The following FBH1 variants were observed in gnomAD, a reference collection of about 807,000 sequenced individuals.
FBH1 encodes F-box DNA helicase 1, also known as DNA 3'-5' helicase 1.
FBH1 carries 43 observed loss-of-function variants against 115.5 expected under a neutral mutation model. The observed-to-expected ratio is 0.37, with a 90% CI of 0.29 to 0.48. The LOEUF is 0.48. FBH1 is among the 20% of genes least tolerant of loss of function. FBH1 has a pLI of 0.99. For missense variants in FBH1, 1,001 were observed against 1,337.3 expected (o/e 0.75, Z 3.92); for synonymous variants, 524 against 507.8 (o/e 1.03, Z -0.43).
intron 2 of FBH1, chr10:5,905,200 A>T (rs888321021): frequency 6.6e-6 from 1 of 152,256 alleles, no homozygotes; most frequent in Non-Finnish European, 1.5e-5. Flanking sequence ...AAAATAAATT[A>T]ATGTGTCACC....
At chr10:5,893,911 A>G in intron 1 of FBH1, 1 of 846,550 alleles carries the variant, frequency 1.2e-6, no homozygotes, top group Non-Finnish European at 1.4e-6. Context: ...AAATATATAA[A>G]ATTATATTCT....
At chr10:5,893,273 C>A (rs1471628784) in intron 1 of FBH1, among the ~76,000 whole-genome samples, 1 of 152,120 alleles carries the variant, frequency 6.6e-6, no homozygotes, top group African/African-American at 2.4e-5. Flanking sequence ...GCCATTGTAC[C>A]CCAGCCTGGA....
In FBH1 at chr10:5,906,173, G is replaced by C. The variant is rs1843678694; in HGVS notation, c.294G>C (p.Glu98Asp). 1 of 1,614,214 alleles carries C rather than the reference G, an allele frequency of 6.2e-7. No homozygotes were observed. Among genetic ancestry groups the C allele is most frequent in the Non-Finnish European group, 8.5e-7 (1 of 1,180,038 alleles). ...AGGGTGACATGATCTTTCCTGCAGA[G>C]AGCAGCTGTGCACTGCCTCAGGAAG... is the stretch of plus-strand genomic sequence containing the variant. The part of the protein sequence containing the change: ...DSEGDMIFPA[E>D]SSCALPQEGS... The change falls in exon 3 of 21, where the codon GAG becomes GAC. Residue 98 changes from glutamate (E) to aspartate (D), a missense_variant. By Grantham distance (45) the Glu-to-Asp change is conservative (BLOSUM62 2). Coordinates refer to ENST00000362091, the MANE Select transcript of FBH1 (RefSeq NM_178150.3). This position sits in a 1 kb window ranked among gnomAD's most constrained non-coding sequence, Gnocchi z 7.3.
chr10:5,890,202 C>G (rs1296980395), upstream of FBH1: 1 of 342,882 alleles, frequency 2.9e-6, no homozygotes, highest in Non-Finnish European at 5.5e-6. Flanking sequence ...TGCGGCGGGG[C>G]GGAGCTCGCG....
chr10:5,907,394 A>C (rs1355501947), intron 3 of FBH1, among the ~76,000 whole-genome samples: 2 of 151,868 alleles, frequency 1.3e-5, no homozygotes, highest in East Asian at 1.9e-4. Flanking sequence ...CATTTGTCTC[A>C]AGATATTTTC....
At position 5,908,799 on chromosome 10, in the gene FBH1, C is replaced by T. The variant is rs1831370804; in HGVS notation, c.754-126C>T. On this transcript the variant is annotated intron_variant, in intron 3 of 20. Coordinates refer to ENST00000362091, the MANE Select transcript of FBH1 (RefSeq NM_178150.3). ...TTTTTGTATTTTTTTTCAGTAGAGA[C>T]GGGGCTTCACCATGTTGGCCATGCT... The T allele has an allele frequency of 2.1e-5, 22 of 1,055,508 alleles. 1 individual carries two copies. Among genetic ancestry groups the T allele is most frequent in the South Asian group, 1.6e-4 (11 of 68,818 alleles). 65.4% of individuals were successfully genotyped at this position (1,055,508 alleles called of 1,614,324 possible). A position where few individuals can be genotyped will look rare whatever the true frequency, so the allele number is the denominator to read the frequency against.
At chr10:5,919,953 G>C in intron 13 of FBH1, among the ~76,000 whole-genome samples, 1 of 152,290 alleles carries the variant, frequency 6.6e-6, no homozygotes, top group South Asian at 2.1e-4. Context: ...CACTTGTCAC[G>C]ATAATGAACC....
chr10:5,894,397 G>A (rs2131827036), intron 1 of FBH1: 1 of 1,597,032 alleles, frequency 6.3e-7, no homozygotes. Flanking sequence ...TGCTTTCAAG[G>A]TGTCTAGATA....
At position 5,890,359 on chromosome 10, in the gene FBH1, G is replaced by T. The variant is rs1440634040; in HGVS notation, c.1+13G>T. 2.7e-6 allele frequency: 1 copy of T among 375,252 alleles called. No individual in the cohort carries two copies. Among genetic ancestry groups the T allele is most frequent in the Non-Finnish European group, 5.0e-6 (1 of 201,382 alleles). The allele number at this position is 375,252 out of a possible 1,614,324, so 23.2% of individuals were successfully genotyped here. ...CCGGAGCGCCACAGTGCGTGAGGCC[G>T]CAGACGTGGCAGGGAGTGTGGGAGG... On this transcript the variant is annotated intron_variant, in intron 1 of 20. Coordinates refer to ENST00000362091, the MANE Select transcript of FBH1 (RefSeq NM_178150.3).
chr10:5,932,530 G>A lies in FBH1; in HGVS notation c.2830-3926G>A, dbSNP rs967805870. Among the ~76,000 whole-genome samples, 3 of 152,076 alleles carry A rather than the reference G, an allele frequency of 2.0e-5. No homozygotes were observed. Among genetic ancestry groups the A allele is most frequent in the Non-Finnish European group, 2.9e-5 (2 of 68,026 alleles). Reference sequence around the variant, plus strand: ...CAGCTGCATAGTGTTCTGTGTTGACGCACTGTGATTTATGCCGTTCTCGCT... The same window carrying A: ...CAGCTGCATAGTGTTCTGTGTTGACACACTGTGATTTATGCCGTTCTCGCT... On this transcript the variant is annotated intron_variant, in intron 19 of 20. Coordinates refer to ENST00000362091, the MANE Select transcript of FBH1 (RefSeq NM_178150.3). The surrounding 1 kb of genome is among the most constrained non-coding windows in gnomAD (Gnocchi z 5.9).
At position 5,910,494 on chromosome 10, in the gene FBH1, C is replaced by T. The variant is rs1292490524; in HGVS notation, c.1021-444C>T. Among the ~76,000 whole-genome samples, 1 of 152,100 alleles carries T rather than the reference C, an allele frequency of 6.6e-6. No individual in the cohort carries two copies. Among genetic ancestry groups the T allele is most frequent in the Non-Finnish European group, 1.5e-5 (1 of 68,042 alleles). On this transcript the variant is annotated intron_variant, in intron 5 of 20. Coordinates refer to ENST00000362091, the MANE Select transcript of FBH1 (RefSeq NM_178150.3). The surrounding 1 kb of genome is among the most constrained non-coding windows in gnomAD (Gnocchi z 4.8). ...GAGAACTGCCAGATTTTATTTTCCC[C>T]ACAGCCTGCGTGCGGCCCTCTCCTG...
At position 5,923,598 on chromosome 10, in the gene FBH1, A is replaced by C. The variant is rs780401023; in HGVS notation, c.2323-23A>C. 104 of 1,596,894 alleles carry C rather than the reference A, an allele frequency of 6.5e-5. No homozygotes were observed. Among genetic ancestry groups the C allele is most frequent in the Non-Finnish European group, 1.2e-5 (14 of 1,171,660 alleles). The stretch of plus-strand genomic sequence containing the variant: ...AACAAAAAACAACAAAAAAACAAAA[A>C]TCCCACCAAAAAACTTTTTCAGGGG... On this transcript the variant is annotated intron_variant, in intron 15 of 20. Transcript: ENST00000362091. The surrounding 1 kb of genome is among the most constrained non-coding windows in gnomAD (Gnocchi z 5.7).
rs1843082103 is a variant in FBH1 at position 5,897,543 on chromosome 10, T to G, written c.2-5477T>G. The stretch of plus-strand genomic sequence containing the variant: ...ACATATATCCAATAAGTCCAAGGGG[T>G]GGGGAATCCAATAAAAGTGTTAATA... On this transcript the variant is annotated intron_variant, in intron 1 of 20. Coordinates refer to ENST00000362091, the MANE Select transcript of FBH1 (RefSeq NM_178150.3). This position sits in a 1 kb window ranked among gnomAD's most constrained non-coding sequence, Gnocchi z 4.7. Among the ~76,000 whole-genome samples the G allele has an allele frequency of 6.6e-6, 1 of 152,152 alleles. No homozygotes were observed. The highest frequency in any genetic ancestry group is 3.4e-3 in the Middle Eastern group (1 of 294).
rs1362271239 is a variant in FBH1, at chr10:5,900,822, C to T, written c.2-2198C>T. Among the ~76,000 whole-genome samples the T allele has an allele frequency of 6.6e-6, 1 of 152,130 alleles. No individual in the cohort carries two copies. The highest frequency in any genetic ancestry group is 1.9e-4 in the East Asian group (1 of 5,198). On this transcript the variant is annotated intron_variant, in intron 1 of 20. Coordinates refer to ENST00000362091, the MANE Select transcript of FBH1 (RefSeq NM_178150.3). The surrounding 1 kb of genome is among the most constrained non-coding windows in gnomAD (Gnocchi z 4.2). ...AGCTTAAAGGAAATGTCAAGCTGGG[C>T]ACAGTGGCTCACATCTGTAATCCCA...
Position 5,906,881 on chromosome 10 carries a change from G to C in FBH1, c.753+249G>C, listed in dbSNP as rs1033046927. 6.6e-6 allele frequency among the ~76,000 whole-genome samples: 1 copy of C among 151,768 alleles called. No individual in the cohort carries two copies. The highest frequency in any genetic ancestry group is 6.6e-5 in the Admixed American group (1 of 15,258). The stretch of plus-strand genomic sequence containing the variant: ...GCTCATCTGCTGTGCCCTGACCACA[G>C]ACTGCACATTCCTTCCCCTCCCTGG... On this transcript the variant is annotated intron_variant, in intron 3 of 20. Coordinates refer to ENST00000362091, the MANE Select transcript of FBH1 (RefSeq NM_178150.3). This position sits in a 1 kb window ranked among gnomAD's most constrained non-coding sequence, Gnocchi z 7.3.
rs1832022814 is a variant in FBH1, at chr10:5,917,256, G to GT, written c.1789-164_1789-163insT. 8 of 627,396 alleles carry GT rather than the reference G, an allele frequency of 1.3e-5. No individual in the cohort carries two copies. In the East Asian group the frequency reaches 1.9e-4, roughly 15 times the overall value. The allele number at this position is 627,396 out of a possible 1,614,324, so 38.9% of individuals were successfully genotyped here. On this transcript the variant is annotated intron_variant, in intron 10 of 20. Coordinates refer to ENST00000362091, the MANE Select transcript of FBH1 (RefSeq NM_178150.3). The surrounding 1 kb of genome is among the most constrained non-coding windows in gnomAD (Gnocchi z 5.6). The stretch of plus-strand genomic sequence containing the variant: ...CTCAGCACTGGAGACCCTCTGGCGT[G>GT]GAGAGGCTGTTGAGGAGACCCAGGA...
Position 5,913,625 on chromosome 10 carries a change from T to G in FBH1, c.1212-122T>G, listed in dbSNP as rs1421180811. 1.1e-5 allele frequency: 7 copies of G among 642,104 alleles called. No homozygotes were observed. The highest frequency in any genetic ancestry group is 2.2e-5 in the South Asian group (1 of 45,024). The allele number at this position is 642,104 out of a possible 1,614,324, so 39.8% of individuals were successfully genotyped here. On this transcript the variant is annotated intron_variant, in intron 6 of 20. Transcript: ENST00000362091. The surrounding 1 kb of genome is among the most constrained non-coding windows in gnomAD (Gnocchi z 4.4). Reference sequence around the variant, plus strand: ...AAATCCTTTTCTTTCTTTTTTCCATTAAATGGTGGTAGGTATTTTCTTTTT... The same window carrying G: ...AAATCCTTTTCTTTCTTTTTTCCATGAAATGGTGGTAGGTATTTTCTTTTT...
Position 5,933,958 on chromosome 10 carries a change from G to A in FBH1, c.2830-2498G>A, listed in dbSNP as rs1175958369. ...TGAGCCACCATGTCCAGCCTTTTTT[G>A]TTGTTGTTGATCACAGCCTGTGAAT... On this transcript the variant is annotated intron_variant, in intron 19 of 20. Transcript: ENST00000362091. This position sits in a 1 kb window ranked among gnomAD's most constrained non-coding sequence, Gnocchi z 4.9. 6.6e-6 allele frequency among the ~76,000 whole-genome samples: 1 copy of A among 151,968 alleles called. No individual in the cohort carries two copies. The highest frequency in any genetic ancestry group is 2.4e-5 in the African/African-American group (1 of 41,394).
At position 5,913,322 on chromosome 10, in the gene FBH1, T is replaced by C. The variant is rs1167957623; in HGVS notation, c.1212-425T>C. Among the ~76,000 whole-genome samples, 1 of 149,330 alleles carries C rather than the reference T, an allele frequency of 6.7e-6. No homozygotes were observed. Among genetic ancestry groups the C allele is most frequent in the Non-Finnish European group, 1.5e-5 (1 of 67,318 alleles). On this transcript the variant is annotated intron_variant, in intron 6 of 20. Coordinates refer to ENST00000362091, the MANE Select transcript of FBH1 (RefSeq NM_178150.3). The surrounding 1 kb of genome is among the most constrained non-coding windows in gnomAD (Gnocchi z 4.4). Reference sequence around the variant, plus strand: ...ATGTCATGTCATAAGAGGTAGACAGTGGAGCGACCGAGGCTCAGAAAGAGG... The same window carrying C: ...ATGTCATGTCATAAGAGGTAGACAGCGGAGCGACCGAGGCTCAGAAAGAGG...
Sources: allele counts gnomAD v4.1 joint callset (sites outside exome capture counted in the v4.1 genomes callset), GRCh38; gene constraint gnomAD v4.1.1; non-coding constraint Gnocchi (gnomAD v3.1); transcripts MANE v1.5; gene names NCBI Gene and HGNC (gene_info 2026-07-23, HGNC 2026-07-21).